TMPO: variants seen among roughly 807,000 people sequenced by gnomAD.
TMPO encodes the protein LEM domain containing 4.
TMPO carries 22 observed loss-of-function variants against 45.4 expected under a neutral mutation model. The observed-to-expected ratio is 0.48, with a 90% CI of 0.35 to 0.69. The LOEUF (loss-of-function observed/expected upper bound fraction) is 0.69. Among genes scored for constraint, TMPO ranks in the 30% least tolerant of loss-of-function variants. TMPO has a pLI of 0.01. For synonymous variants in TMPO, 241 were observed against 204.1 expected, an observed-to-expected ratio of 1.18 and a Z score of -1.54; for missense variants, 512 against 548.8, an observed-to-expected ratio of 0.93 and a Z score of 0.67.
intron 1 of TMPO, among the ~76,000 whole-genome samples, chr12:98,520,048 C>T (rs1038950638): frequency 6.6e-6 from 1 of 151,872 alleles, no homozygotes; most frequent in East Asian, 1.9e-4. Flanking sequence ...CAACCTCTGC[C>T]TCCCGGGTTC....
chr12:98,519,584 A>G (rs1392966977), intron 1 of TMPO, among the ~76,000 whole-genome samples: 1 of 151,848 alleles, frequency 6.6e-6, no homozygotes, highest in African/African-American at 2.4e-5. Context: ...TTTCATCCAT[A>G]TAAAGAAAAC....
chr12:98,521,099 A>ATTTTT (rs1565804759), intron 1 of TMPO, among the ~76,000 whole-genome samples: 1 of 93,016 alleles, frequency 1.1e-5, no homozygotes, highest in African/African-American at 4.0e-5. Context: ...GTTTATGAGG[A>ATTTTT]ATTTTTTTTT....
intron 1 of TMPO, among the ~76,000 whole-genome samples, chr12:98,518,470 CTTTTTTTTT>C (rs11437786): frequency 4.8e-5 from 4 of 83,538 alleles, no homozygotes; most frequent in Admixed American, 2.8e-4. Context: ...ATTTTCTAAT[CTTTTTTTTT>C]TTTTTTTTTT....
intron 4 of TMPO, among the ~76,000 whole-genome samples, chr12:98,539,471 CTTTT>C (rs398039980): frequency 4.0e-5 from 5 of 123,486 alleles, no homozygotes; most frequent in Admixed American, 2.5e-4. Context: ...TTTTAAATTA[CTTTT>C]TTTTTTTTTT....
intron 1 of TMPO, among the ~76,000 whole-genome samples, chr12:98,522,525 C>G (rs1014466811): frequency 2.0e-5 from 3 of 152,176 alleles, no homozygotes; most frequent in Non-Finnish European, 4.4e-5. Flanking sequence ...AATCTAAGAT[C>G]CTCTATTTTC....
rs1315008338 is a variant in TMPO at position 98,515,596 on chromosome 12, G to C, written c.-272G>C. ...GCGTTCTTGGGGCGTGGGCGAAGCA[G>C]GCTGCTCGCCTCCTGCCTGTAGTGT... On this transcript the variant is annotated 5_prime_UTR_variant, in exon 1 of 9. Transcript: ENST00000556029. 3.7e-6 allele frequency: 2 copies of C among 537,496 alleles called. No homozygotes were observed. The highest frequency in any genetic ancestry group is 6.9e-5 in the Admixed American group (2 of 29,096). 33.3% of individuals were successfully genotyped at this position (537,496 alleles called of 1,614,324 possible).
chr12:98,533,296 A>AT (rs1877329246), intron 3 of TMPO: 1 of 1,613,944 alleles, frequency 6.2e-7, no homozygotes, highest in South Asian at 1.1e-5. Context: ...GAGGTCCCAT[A>AT]TTTCAGATCA....
intron 4 of TMPO, 112 bp downstream of exon 4, chr12:98,537,684 C>A: frequency 1.2e-6 from 1 of 845,606 alleles, no homozygotes; most frequent in Non-Finnish European, 2.0e-6. Context: ...GCTCAATAAA[C>A]TTAATTCTGT....
At chr12:98,544,125 G>A in intron 4 of TMPO, 105 bp from the exon 5 acceptor site, 2 of 1,254,404 alleles carry the variant, frequency 1.6e-6, no homozygotes, top group East Asian at 2.5e-5. Flanking sequence ...GTAAATGCTG[G>A]CATTTGGAGA....
In TMPO at chr12:98,544,355, G is replaced by A. The variant is rs762604750; in HGVS notation, c.783+6G>A. The A allele has an allele frequency of 5.0e-6, 8 of 1,613,814 alleles. No homozygotes were observed. The highest frequency in any genetic ancestry group is 1.7e-6 in the Non-Finnish European group (2 of 1,179,896). ...GAAGAACTCCAAGGAAAAGGGTGAT[G>A]CAAGGCTTATTCCTTGGGTTTTCAG... On this transcript the variant is annotated splice_donor_region_variant and intron_variant, in intron 5 of 8. Transcript: ENST00000556029.
intron 4 of TMPO, among the ~76,000 whole-genome samples, chr12:98,540,369 T>G (rs1448953924): frequency 6.6e-6 from 1 of 152,090 alleles, no homozygotes; most frequent in Non-Finnish European, 1.5e-5. Context: ...TTTGCTTTGT[T>G]GTTGTTGTTG....
chr12:98,531,359 C>T (rs1238900332), intron 2 of TMPO, among the ~76,000 whole-genome samples: 3 of 151,600 alleles, frequency 2.0e-5, no homozygotes, highest in Non-Finnish European at 4.4e-5. Context: ...GTCTCAGCCT[C>T]CCAAGTAGCT....
At chr12:98,534,975 A>G (rs1227215866) in intron 3 of TMPO, 2 of 878,578 alleles carry the variant, frequency 2.3e-6, no homozygotes, top group Non-Finnish European at 2.7e-6. Context: ...TTTTTAGGTC[A>G]ATGACAGGAT....
rs990530374 is a variant in TMPO at position 98,516,444 on chromosome 12, C to G, written c.279+298C>G. 6 of 1,153,646 alleles carry G rather than the reference C, an allele frequency of 5.2e-6. No homozygotes were observed. In the African/African-American group the frequency reaches 9.7e-5, roughly 19 times the overall value. The allele number at this position is 1,153,646 out of a possible 1,614,324, so 71.5% of individuals were successfully genotyped here. A position where few individuals can be genotyped will look rare whatever the true frequency, so the allele number is the denominator to read the frequency against. ...GCCGCTTCCCTGGACCACCAGCCGC[C>G]TGCAGCGGGCGTTTAGACGGGGACT... On this transcript the variant is annotated intron_variant, in intron 1 of 8. Transcript: ENST00000556029.
intron 3 of TMPO, among the ~76,000 whole-genome samples, chr12:98,535,899 A>G (rs955162523): frequency 4.6e-5 from 7 of 152,180 alleles, no homozygotes; most frequent in Non-Finnish European, 1.0e-4. Flanking sequence ...TTTCTATTCC[A>G]CTACTAATGG....
At chr12:98,525,500 G>C (rs11837732) in intron 1 of TMPO, among the ~76,000 whole-genome samples, 5 of 152,012 alleles carry the variant, frequency 3.3e-5, no homozygotes, top group Admixed American at 6.6e-5. Flanking sequence ...TAGGACTTTG[G>C]GAGGCTCAGG....
At chr12:98,539,471 CTTTTTTT>C (rs398039980) in intron 4 of TMPO, among the ~76,000 whole-genome samples, 3 of 123,492 alleles carry the variant, frequency 2.4e-5, no homozygotes, top group East Asian at 2.4e-4. Context: ...TTTTAAATTA[CTTTTTTT>C]TTTTTTTTTT....
At chr12:98,533,558 A>C (rs1877353014) in intron 3 of TMPO, 1 of 1,614,188 alleles carries the variant, frequency 6.2e-7, no homozygotes, top group East Asian at 2.2e-5. Context: ...AGACTGAGTG[A>C]GAAGTCAGTG....
At position 98,547,750 on chromosome 12, in the gene TMPO, G is replaced by C. The variant is rs1160231515; in HGVS notation, c.1257G>C (p.Leu419=). 4 of 1,614,014 alleles carry C rather than the reference G, an allele frequency of 2.5e-6. No individual in the cohort carries two copies. The highest frequency in any genetic ancestry group is 1.3e-5 in the African/African-American group (1 of 74,908). Residue 419 remains leucine, a synonymous_variant, in exon 9 of 9, where the codon CTG becomes CTC. Transcript: ENST00000556029. ...TTCCCGTATGGATAAAAATTTTGCT[G>C]TTTGTTGTTGTGGCAGTTTTTTTGT... ...RSIPVWIKIL[L]FVVVAVFLFL...
Sources: gnomAD v4.1 joint callset for allele counts (sites outside exome capture counted in the v4.1 genomes callset) on GRCh38, gnomAD v4.1.1 for gene constraint, MANE v1.5 for transcripts, NCBI Gene and HGNC (gene_info 2026-07-23, HGNC 2026-07-21) for gene names.